The following AMZ2 variants were observed in gnomAD, a reference collection of about 807,000 sequenced individuals.
The protein encoded by AMZ2 is archaelysin family metallopeptidase 2, also known as archaemetzincin-2.
AMZ2 carries 26 observed loss-of-function variants against 36.7 expected under a neutral mutation model. The ratio of observed to expected loss-of-function variants is 0.71; its 90% confidence interval spans 0.52 to 0.98. AMZ2 has a LOEUF of 0.98. AMZ2 is among the 50% of genes least tolerant of loss of function. The pLI is 0.00. For synonymous variants in AMZ2, 144 were observed against 149.1 expected (o/e 0.97, Z 0.25); for missense variants, 394 against 430.5 (o/e 0.92, Z 0.75).
intron 1 of AMZ2, among the ~76,000 whole-genome samples, chr17:68,216,731 G>T (rs1405280377): frequency 6.6e-6 from 1 of 152,076 alleles, no homozygotes; most frequent in Non-Finnish European, 1.5e-5. Flanking sequence ...TCTGCAGTGA[G>T]TATTTATGAA....
upstream of AMZ2, chr17:68,247,233 G>C (rs1331167764): frequency 6.6e-6 from 1 of 151,338 alleles, no homozygotes; most frequent in Non-Finnish European, 1.5e-5. Context: ...CTACTGGGGA[G>C]GCTGAGGCGG....
At chr17:68,223,602 C>T (rs1196954528) in intron 1 of AMZ2, among the ~76,000 whole-genome samples, 3 of 151,672 alleles carry the variant, frequency 2.0e-5, no homozygotes, top group Admixed American at 6.6e-5. Context: ...TGCAGTGGCA[C>T]GATCTCAGCT....
intron 1 of AMZ2, chr17:68,207,315 C>G (rs1652024579): frequency 8.0e-6 from 1 of 124,310 alleles, no homozygotes; most frequent in Non-Finnish European, 1.7e-5. Context: ...TGTTAAATAC[C>G]CCCCCCCCAC....
At chr17:68,256,162 T>C (rs1284333725) in intron 6 of AMZ2, among the ~76,000 whole-genome samples, 12 of 152,216 alleles carry the variant, frequency 7.9e-5, no homozygotes, top group African/African-American at 2.7e-4. Context: ...AGAATAAATA[T>C]TGATATGTGT....
intron 1 of AMZ2, among the ~76,000 whole-genome samples, chr17:68,223,392 G>A (rs8082453): frequency 0.13 from 19,458 of 152,082 alleles, 1,539 homozygotes; most frequent in East Asian, 0.29. Flanking sequence ...GCGGGGCAGC[G>A]CTTTCTTGCC....
chr17:68,238,686 A>G (rs376870276), intron 1 of AMZ2, among the ~76,000 whole-genome samples: 16 of 152,180 alleles, frequency 1.1e-4, no homozygotes, highest in Non-Finnish European at 2.1e-4. Flanking sequence ...TGCAAAAGAG[A>G]CCACAGCCCC....
At chr17:68,211,800 G>GTATATGTA (rs782412312) in intron 1 of AMZ2, among the ~76,000 whole-genome samples, 1 of 110,506 alleles carries the variant, frequency 9.0e-6, no homozygotes, top group Admixed American at 8.6e-5. Flanking sequence ...GTATATATGT[G>GTATATGTA]TATATGTATA....
Position 68,250,345 on chromosome 17 carries a change from T to C in AMZ2, c.158T>C (p.Leu53Ser). 6.2e-7 allele frequency: 1 copy of C among 1,614,218 alleles called. No homozygotes were observed. Among genetic ancestry groups the C allele is most frequent in the Non-Finnish European group, 8.5e-7 (1 of 1,180,034 alleles). Residue 53 changes from leucine to serine, a missense_variant, in exon 2 of 7, where the codon TTG becomes TCG. Physicochemically the swap from Leu to Ser is moderately radical, Grantham distance 145. Coordinates refer to ENST00000359904, the MANE Select transcript of AMZ2 (RefSeq NM_016627.5). ...AGTGATCTCTTTGGACCCATTACCT[T>C]GCATTCTCCATCAGATTGGATCACC... ...PASDLFGPIT[L>S]HSPSDWITSH...
At chr17:68,225,045 A>G (rs1484802385) in intron 1 of AMZ2, among the ~76,000 whole-genome samples, 2 of 151,382 alleles carry the variant, frequency 1.3e-5, no homozygotes, top group Non-Finnish European at 1.5e-5. Context: ...CACAAAAATT[A>G]GCTGGGCATG....
rs782476314 is a variant in AMZ2, at chr17:68,250,387, C to A, written c.200C>A (p.Pro67His). Reference protein sequence around the residue: ...SDWITSHPEAPQDFEQFFSDP... With the variant: ...SDWITSHPEAHQDFEQFFSDP... Reference sequence around the variant, plus strand: ...TGGATCACCTCCCACCCTGAGGCTCCCCAAGACTTTGAACAGTTCTTCAGT... The same window carrying A: ...TGGATCACCTCCCACCCTGAGGCTCACCAAGACTTTGAACAGTTCTTCAGT... Residue 67 changes from proline to histidine, a missense_variant, in exon 2 of 7, where the codon CCC (proline) becomes CAC (histidine). Pro to His is a moderately conservative substitution (Grantham distance 77). Transcript: ENST00000359904. 5.6e-6 allele frequency: 9 copies of A among 1,614,156 alleles called. No homozygotes were observed. In the Admixed American group the frequency reaches 1.5e-4, roughly 27 times the overall value.
At chr17:68,247,978 G>A, upstream of AMZ2, 1 of 984,874 alleles carries the variant, frequency 1.0e-6, no homozygotes, top group Non-Finnish European at 1.2e-6. Context: ...CCCACAGGGC[G>A]TGCGCGACGC....
intron 1 of AMZ2, among the ~76,000 whole-genome samples, chr17:68,222,158 G>A (rs1555728724): frequency 6.6e-6 from 1 of 152,268 alleles, no homozygotes; most frequent in African/African-American, 2.4e-5. Context: ...GGTTTCTGGT[G>A]GAGCAACTGG....
upstream of AMZ2, chr17:68,247,864 A>G: frequency 1.0e-6 from 1 of 985,486 alleles, no homozygotes; most frequent in South Asian, 4.7e-5. Flanking sequence ...GCTACCCTCT[A>G]TTCTGGAAGA....
chr17:68,220,939 C>T (rs547349587), intron 1 of AMZ2, among the ~76,000 whole-genome samples: 42 of 151,868 alleles, frequency 2.8e-4, no homozygotes, highest in African/African-American at 9.4e-4. Context: ...CATGCCTCCA[C>T]GCCCGGCTAA....
At chr17:68,243,254 C>T (rs571970570), upstream of AMZ2, among the ~76,000 whole-genome samples, 66 of 152,128 alleles carry the variant, frequency 4.3e-4, no homozygotes, top group African/African-American at 1.5e-3. Flanking sequence ...CCTGCCTCAG[C>T]CTCCTAAGTA....
chr17:68,230,768 C>G (rs1424672955), intron 1 of AMZ2, among the ~76,000 whole-genome samples: 2 of 152,176 alleles, frequency 1.3e-5, no homozygotes, highest in Non-Finnish European at 2.9e-5. Flanking sequence ...TCACCAAGCA[C>G]TTCCCCTGGC....
At chr17:68,250,663 C>A (rs2074386230) in intron 2 of AMZ2, 131 bp from the exon 3 acceptor site, 1 of 1,166,460 alleles carries the variant, frequency 8.6e-7, no homozygotes, top group Non-Finnish European at 1.2e-6. Context: ...ATAGCAACAC[C>A]AATGAATGAT....
chr17:68,249,015 G>A (rs1401450730), intron 1 of AMZ2: 2 of 1,103,816 alleles, frequency 1.8e-6, no homozygotes, highest in East Asian at 3.6e-5. Flanking sequence ...AAAAAGCCTC[G>A]TGGTGGAACA....
chr17:68,245,242 T>G (rs2073977751), upstream of AMZ2, among the ~76,000 whole-genome samples: 1 of 149,448 alleles, frequency 6.7e-6, no homozygotes. Flanking sequence ...CACTAAGGTG[T>G]TTATTTGTTT....
Sources: allele counts gnomAD v4.1 joint callset (sites outside exome capture counted in the v4.1 genomes callset), GRCh38; gene constraint gnomAD v4.1.1; transcripts MANE v1.5; gene names NCBI Gene and HGNC (gene_info 2026-07-23, HGNC 2026-07-21).